TRMU: variants seen among roughly 807,000 people sequenced by gnomAD.
TRMU encodes tRNA mitochondrial 2-thiouridylase, also known as mitochondrial tRNA-specific 2-thiouridylase 1.
In TRMU, 49 loss-of-function variants were observed where a neutral mutation model predicts 46.9. The ratio of observed to expected loss-of-function variants is 1.05; its 90% CI spans 0.83 to 1.33. TRMU has a LOEUF of 1.33. Ranked by LOEUF, TRMU falls within the 40% of genes most tolerant of loss-of-function variation. TRMU has a pLI of 0.00. For missense variants in TRMU, 572 were observed against 532.4 expected, an observed-to-expected ratio of 1.07 and a Z score of -0.73; for synonymous variants, 241 against 200.9, an observed-to-expected ratio of 1.20 and a Z score of -1.69.
rs2077965511 is a variant in TRMU, at chr22:46,336,014, C to T, written c.82+168C>T. ...GACTTTGGTTCGGAGGCTCCTCGCC[C>T]TCCACCTGTGTAGTCGGAGGTGTGC... On this transcript the variant is annotated intron_variant, in intron 1 of 10. Coordinates refer to ENST00000645190, the MANE Select transcript of TRMU (RefSeq NM_018006.5). This position sits in a 1 kb window ranked among gnomAD's most constrained non-coding sequence, Gnocchi z 4.1. 11 of 1,444,388 alleles carry T rather than the reference C, an allele frequency of 7.6e-6. No homozygotes were observed. In the East Asian group the frequency reaches 7.9e-5, roughly 10 times the overall value. 89.5% of individuals were successfully genotyped at this position (1,444,388 alleles called of 1,614,324 possible). A position where few individuals can be genotyped will look rare whatever the true frequency, so the allele number is the denominator to read the frequency against.
At chr22:46,337,700 T>G in intron 1 of TRMU, 79 bp from the exon 2 acceptor site, 1 of 1,574,100 alleles carries the variant, frequency 6.4e-7, no homozygotes, top group Non-Finnish European at 8.7e-7. Context: ...TGTGGGGAAC[T>G]TCTCAGAGCT....
chr22:46,343,375 A>G lies in TRMU; in HGVS notation c.355+7A>G, dbSNP rs1601948732. 2 of 1,608,972 alleles carry G rather than the reference A, an allele frequency of 1.2e-6. No individual in the cohort carries two copies. Among genetic ancestry groups the G allele is most frequent in the African/African-American group, 2.7e-5 (2 of 74,784 alleles). ...TATGCTGTGGATAATCTTGGTAAGT[A>G]ATTTGGGTTTAAAACATTTTTTTTT... On this transcript the variant is annotated splice_region_variant and intron_variant, in intron 3 of 10. Coordinates refer to ENST00000645190, the MANE Select transcript of TRMU (RefSeq NM_018006.5).
chr22:46,336,142 G>GA lies in TRMU; in HGVS notation c.82+298dup. 1 of 1,317,114 alleles carries GA rather than the reference G, an allele frequency of 7.6e-7. No individual in the cohort carries two copies. The highest frequency in any genetic ancestry group is 9.7e-7 in the Non-Finnish European group (1 of 1,031,068). The allele number at this position is 1,317,114 out of a possible 1,614,324, so 81.6% of individuals were successfully genotyped here. On this transcript the variant is annotated intron_variant, in intron 1 of 10. Coordinates refer to ENST00000645190, the MANE Select transcript of TRMU (RefSeq NM_018006.5). This position sits in a 1 kb window ranked among gnomAD's most constrained non-coding sequence, Gnocchi z 4.1. ...GGCGGGCCGGGGTGGGGTGGGGAGG[G>GA]AAGGGTTTCTCACGGATCTGCGGCG...
chr22:46,345,579 C>T (rs2078231415), intron 3 of TRMU, among the ~76,000 whole-genome samples: 1 of 152,052 alleles, frequency 6.6e-6, no homozygotes. Flanking sequence ...AGGAATAGAC[C>T]TGAGATTTTT....
chr22:46,352,863 G>A, intron 7 of TRMU: 1 of 254,466 alleles, frequency 3.9e-6, no homozygotes, highest in Non-Finnish European at 7.7e-6. Flanking sequence ...GTCACAGTGT[G>A]CAGTCCTGCT....
At position 46,350,584 on chromosome 22, in the gene TRMU, C is replaced by T. The variant is rs1045779738; in HGVS notation, c.651+121C>T. The T allele has an allele frequency of 8.6e-6, 11 of 1,280,586 alleles. No homozygotes were observed. The highest frequency in any genetic ancestry group is 2.9e-5 in the African/African-American group (2 of 67,948). 79.3% of individuals were successfully genotyped at this position (1,280,586 alleles called of 1,614,324 possible). A position where few individuals can be genotyped will look rare whatever the true frequency, so the allele number is the denominator to read the frequency against. ...CTTCTCCAGGACCTAACATCAAAGG[C>T]GGGCCTTGGAGCAATAGATGGAGGA... On this transcript the variant is annotated intron_variant, in intron 5 of 10. Coordinates refer to ENST00000645190, the MANE Select transcript of TRMU (RefSeq NM_018006.5). The surrounding 1 kb of genome is among the most constrained non-coding windows in gnomAD (Gnocchi z 4.6).
In TRMU at chr22:46,342,690, G is replaced by A. The variant is rs2078152197; in HGVS notation, c.249-572G>A. 6.6e-6 allele frequency among the ~76,000 whole-genome samples: 1 copy of A among 152,248 alleles called. No homozygotes were observed. The highest frequency in any genetic ancestry group is 1.5e-5 in the Non-Finnish European group (1 of 68,042). On this transcript the variant is annotated intron_variant, in intron 2 of 10. Transcript: ENST00000645190. The surrounding 1 kb of genome is among the most constrained non-coding windows in gnomAD (Gnocchi z 4.7). Reference sequence around the variant, plus strand: ...AGGTTGCAGTGGGCCAGGTGCGGTGGCTCACGCCTCTAATTCCAGCATTTT... The same window carrying A: ...AGGTTGCAGTGGGCCAGGTGCGGTGACTCACGCCTCTAATTCCAGCATTTT...
chr22:46,353,541 G>A (rs930764322), intron 7 of TRMU: 9 of 469,162 alleles, frequency 1.9e-5, no homozygotes, highest in African/African-American at 1.6e-4. Context: ...TGCCTTCTTT[G>A]TGGCCACCAC....
chr22:46,346,387 T>G (rs2078258274), intron 3 of TRMU, 35 bp from the exon 4 acceptor site: 1 of 1,606,646 alleles, frequency 6.2e-7, no homozygotes, highest in Non-Finnish European at 8.5e-7. Context: ...AGTATGAGTC[T>G]AAAACCTGAT....
intron 10 of TRMU, 84 bp from the exon 11 acceptor site, chr22:46,356,758 G>A: frequency 6.5e-7 from 1 of 1,535,988 alleles, no homozygotes; most frequent in Non-Finnish European, 8.9e-7. Context: ...GCACAGGCCA[G>A]GCCCCATAGG....
In TRMU at chr22:46,355,505, G is replaced by A; in HGVS notation, c.935G>A (p.Trp312Ter). The change falls in exon 9 of 11, where the codon TGG (tryptophan) becomes TAG (stop). Residue 312 changes from tryptophan (W) to a stop codon, truncating the protein, a stop_gained. Transcript: ENST00000645190. LOFTEE classifies it high-confidence loss of function. ...CTGCTGAGGACCAGCCGCGTGCACTGGATTGCGGAGGAGCCTCCCGCAGCA... is the reference window on the plus strand; with the variant it reads ...CTGCTGAGGACCAGCCGCGTGCACTAGATTGCGGAGGAGCCTCCCGCAGCA... ...RDLLRTSRVHWIAEEPPAALV... is the reference protein window; with the variant it reads ...RDLLRTSRVH The A allele has an allele frequency of 6.2e-7, 1 of 1,613,252 alleles. No homozygotes were observed. Among genetic ancestry groups the A allele is most frequent in the Non-Finnish European group, 8.5e-7 (1 of 1,180,030 alleles).
rs1031097104 is a variant in TRMU at position 46,351,714 on chromosome 22, C to G, written c.652-407C>G. On this transcript the variant is annotated intron_variant, in intron 5 of 10. Coordinates refer to ENST00000645190, the MANE Select transcript of TRMU (RefSeq NM_018006.5). The surrounding 1 kb of genome is among the most constrained non-coding windows in gnomAD (Gnocchi z 6.4). The stretch of plus-strand genomic sequence containing the variant: ...GCAGATGTGCTTGAGGAAGGCGCCT[C>G]TCTCCTCTGACTCCCCTGGAGCCCT... The G allele has an allele frequency of 2.7e-5, 9 of 334,108 alleles. No individual in the cohort carries two copies. The highest frequency in any genetic ancestry group is 3.5e-5 in the Non-Finnish European group (6 of 171,496). The allele number at this position is 334,108 out of a possible 1,614,324, so 20.7% of individuals were successfully genotyped here.
Position 46,349,600 on chromosome 22 carries a change from C to G in TRMU, c.479-691C>G, listed in dbSNP as rs1050319423. Reference sequence around the variant, plus strand: ...GTTTTTTGCCATTGATCATTGAACTCGAGAGTGGAGAACTGGACGGTTCTA... The same window carrying G: ...GTTTTTTGCCATTGATCATTGAACTGGAGAGTGGAGAACTGGACGGTTCTA... On this transcript the variant is annotated intron_variant, in intron 4 of 10. Transcript: ENST00000645190. This position sits in a 1 kb window ranked among gnomAD's most constrained non-coding sequence, Gnocchi z 4.6. Among the ~76,000 whole-genome samples, 1 of 152,200 alleles carries G rather than the reference C, an allele frequency of 6.6e-6. No homozygotes were observed. The highest frequency in any genetic ancestry group is 2.4e-5 in the African/African-American group (1 of 41,448).
At chr22:46,355,751 T>A in intron 9 of TRMU, 163 bp downstream of exon 9, 4 of 1,291,610 alleles carry the variant, frequency 3.1e-6, no homozygotes, top group South Asian at 1.3e-5. Context: ...GTGCCTGCCC[T>A]GAGCGAGGCC....
At position 46,357,072 on chromosome 22, in the gene TRMU, C is replaced by T. The variant is rs2078636504; in HGVS notation, c.*66C>T. On this transcript the variant is annotated 3_prime_UTR_variant, in exon 11 of 11. Transcript: ENST00000645190. ...CATGGCTGGGCGGCTGGTGAGCAGT[C>T]CAGGTGCCCAAGGGCCAGCTTGCTG... 2.5e-6 allele frequency: 4 copies of T among 1,601,410 alleles called. No homozygotes were observed. In the Admixed American group the frequency reaches 6.8e-5, roughly 27 times the overall value.
At chr22:46,343,203 T>C in intron 2 of TRMU, 59 bp from the exon 3 acceptor site, 1 of 1,258,772 alleles carries the variant, frequency 7.9e-7, no homozygotes, top group Non-Finnish European at 1.1e-6. Flanking sequence ...AGTGAACTTT[T>C]TTTTTTTTTT....
Position 46,335,872 on chromosome 22 carries a change from C to G in TRMU, c.82+26C>G, listed in dbSNP as rs569915020. 6.9e-4 allele frequency: 1,054 copies of G among 1,533,898 alleles called. 8 individuals carry two copies. The African/African-American group carries it at 0.013, about 18-fold the overall frequency. On this transcript the variant is annotated intron_variant, in intron 1 of 10. Transcript: ENST00000645190. The stretch of plus-strand genomic sequence containing the variant: ...GTGAGGCGTCCGAGGCTCCCGCCCC[C>G]CGCCGAGCGAATGTGTCCCCGGAAA...
Position 46,350,021 on chromosome 22 carries a change from T to A in TRMU, c.479-270T>A, listed in dbSNP as rs1189228804. 6.6e-6 allele frequency among the ~76,000 whole-genome samples: 1 copy of A among 152,012 alleles called. No individual in the cohort carries two copies. The highest frequency in any genetic ancestry group is 1.9e-4 in the East Asian group (1 of 5,198). ...CTTATCACTTGAGAACATTTTTTCA[T>A]GTGATGTTTCATCTTTGAAAATATT... On this transcript the variant is annotated intron_variant, in intron 4 of 10. Coordinates refer to ENST00000645190, the MANE Select transcript of TRMU (RefSeq NM_018006.5). This position sits in a 1 kb window ranked among gnomAD's most constrained non-coding sequence, Gnocchi z 4.6.
At chr22:46,356,573 G>A in intron 10 of TRMU, 1 of 536,428 alleles carries the variant, frequency 1.9e-6, no homozygotes, top group South Asian at 2.3e-5. Flanking sequence ...GCAGAGACCT[G>A]CCAGTCCCTT....
Sources: allele counts gnomAD v4.1 joint callset (sites outside exome capture counted in the v4.1 genomes callset), GRCh38; gene constraint gnomAD v4.1.1; non-coding constraint Gnocchi (gnomAD v3.1); transcripts MANE v1.5; gene names NCBI Gene and HGNC (gene_info 2026-07-23, HGNC 2026-07-21).